KCNJ16: variants seen among roughly 807,000 people sequenced by gnomAD.
The protein encoded by KCNJ16 is potassium inwardly rectifying channel subfamily J member 16.
A neutral mutation model predicts 18.5 loss-of-function variants in KCNJ16; 15 were observed. That is an observed-to-expected ratio of 0.81 (90% CI 0.54 to 1.25). The LOEUF is 1.25. Among genes scored for constraint, KCNJ16 ranks in the 50% most tolerant of loss-of-function variants. The pLI, the probability that KCNJ16 is intolerant of heterozygous loss-of-function variation, is 0.00. For synonymous variants in KCNJ16, 174 were observed against 186.5 expected (o/e 0.93, Z 0.55); for missense variants, 523 against 525.7 (o/e 0.99, Z 0.05).
intron 1 of KCNJ16, among the ~76,000 whole-genome samples, chr17:70,085,238 A>T (rs191105414): frequency 9.8e-5 from 15 of 152,374 alleles, no homozygotes; most frequent in Admixed American, 5.9e-4. Flanking sequence ...CATGTGTCAG[A>T]CATTACATTT....
intron 2 of KCNJ16, among the ~76,000 whole-genome samples, chr17:70,117,552 G>A (rs1368509304): frequency 6.6e-6 from 1 of 152,142 alleles, no homozygotes; most frequent in African/African-American, 2.4e-5. Flanking sequence ...TGTGTTTTCT[G>A]TTTATAAGCT....
intron 2 of KCNJ16, among the ~76,000 whole-genome samples, chr17:70,125,578 G>A (rs1023225534): frequency 6.6e-6 from 1 of 152,126 alleles, no homozygotes; most frequent in Non-Finnish European, 1.5e-5. Flanking sequence ...CTTGGATCTT[G>A]CGCAAGAAAG....
At chr17:70,125,254 A>T (rs1385584302) in intron 2 of KCNJ16, among the ~76,000 whole-genome samples, 1 of 151,192 alleles carries the variant, frequency 6.6e-6, no homozygotes, top group African/African-American at 2.5e-5. Context: ...TAGGTGACAG[A>T]GCAAGATCCT....
At chr17:70,130,825 T>A in intron 2 of KCNJ16, 54 bp from the exon 3 acceptor site, 1 of 762,592 alleles carries the variant, frequency 1.3e-6, no homozygotes, top group Non-Finnish European at 2.2e-6. Context: ...TTCTAATAGT[T>A]ACTAAGCTGT....
intron 2 of KCNJ16, chr17:70,128,612 TG>T (rs2073942564): frequency 6.6e-6 from 1 of 152,270 alleles, no homozygotes; most frequent in Admixed American, 6.5e-5. Flanking sequence ...TTACTACCTT[TG>T]TCATTATTAT....
chr17:70,106,758 C>T (rs368780935), intron 2 of KCNJ16, among the ~76,000 whole-genome samples: 1 of 152,254 alleles, frequency 6.6e-6, no homozygotes, highest in East Asian at 1.9e-4. Flanking sequence ...CCAATCTCTG[C>T]AGGTCAGCCA....
At chr17:70,083,332 G>C (rs1011805693) in intron 1 of KCNJ16, among the ~76,000 whole-genome samples, 2 of 141,732 alleles carry the variant, frequency 1.4e-5, no homozygotes, top group East Asian at 4.1e-4. Flanking sequence ...TATATAGACA[G>C]TTATGATCAA....
At position 70,102,416 on chromosome 17, in the gene KCNJ16, C is replaced by CGGGGTTTCACCATATTG. The variant is rs564411688; in HGVS notation, c.-191+1652_-191+1668dup. Reference sequence around the variant, plus strand: ...CTAATTTTTGTATCTTTAGTAGAGACGGGGTTTCACCATATTGGCCAGGCT... The same window carrying CGGGGTTTCACCATATTG: ...CTAATTTTTGTATCTTTAGTAGAGACGGGGTTTCACCATATTGGGGGTTTCACCATATTGGCCAGGCT... On this transcript the variant is annotated intron_variant, in intron 2 of 3. Transcript: ENST00000392671. Among the ~76,000 whole-genome samples the CGGGGTTTCACCATATTG allele has an allele frequency of 6.6e-3, 996 of 151,526 alleles. 6 individuals carry two copies. The highest frequency in any genetic ancestry group is 0.022 in the African/African-American group (906 of 41,304).
rs567688888 is a variant in KCNJ16, at chr17:70,131,599, T to C, written c.-93-396T>C. On this transcript the variant is annotated intron_variant, in intron 3 of 3. Transcript: ENST00000392671. ...CTGATTTAAACAGTTAGGAAGCTTA[T>C]GACTGCTAGACACATATCTGAATTG... The C allele has an allele frequency of 6.9e-5, 30 of 437,306 alleles. 1 individual carries two copies. The South Asian group carries it at 2.4e-3, about 35-fold the overall frequency. 27.1% of individuals were successfully genotyped at this position (437,306 alleles called of 1,614,324 possible).
chr17:70,078,293 T>A (rs1567773924), intron 1 of KCNJ16, among the ~76,000 whole-genome samples: 1 of 152,154 alleles, frequency 6.6e-6, no homozygotes, highest in Non-Finnish European at 1.5e-5. Flanking sequence ...AAGAAAATTT[T>A]AAAAAGTCAA....
chr17:70,112,182 AG>A (rs1384179334), intron 2 of KCNJ16, among the ~76,000 whole-genome samples: 3 of 152,158 alleles, frequency 2.0e-5, no homozygotes, highest in Admixed American at 6.5e-5. Flanking sequence ...GTTGATGGGC[AG>A]GGCCTTGCAC....
chr17:70,123,137 AT>A (rs1425849533), intron 2 of KCNJ16, among the ~76,000 whole-genome samples: 1 of 152,178 alleles, frequency 6.6e-6, no homozygotes, highest in Non-Finnish European at 1.5e-5. Flanking sequence ...TGGGAGAAAT[AT>A]CCAAATCTTT....
intron 2 of KCNJ16, among the ~76,000 whole-genome samples, chr17:70,102,669 C>A (rs1204332655): frequency 6.6e-6 from 1 of 152,114 alleles, no homozygotes. Context: ...CCCACTTGGA[C>A]CTCCACATCC....
chr17:70,107,988 G>A (rs545589979), intron 2 of KCNJ16, among the ~76,000 whole-genome samples: 4 of 152,202 alleles, frequency 2.6e-5, no homozygotes, highest in Admixed American at 2.0e-4. Flanking sequence ...CTGTTGTAAG[G>A]TACTAACAAT....
At chr17:70,087,955 G>T (rs1249509445) in intron 1 of KCNJ16, among the ~76,000 whole-genome samples, 2 of 141,348 alleles carry the variant, frequency 1.4e-5, no homozygotes, top group African/African-American at 5.3e-5. Context: ...GGTGGAGTTT[G>T]CAGTGAAGCC....
At chr17:70,103,483 G>A (rs935370888) in intron 2 of KCNJ16, among the ~76,000 whole-genome samples, 8 of 151,542 alleles carry the variant, frequency 5.3e-5, no homozygotes, top group Non-Finnish European at 8.8e-5. Context: ...CCTTTTGCTT[G>A]TAACACTTTC....
chr17:70,078,890 G>A (rs757171478), intron 1 of KCNJ16, among the ~76,000 whole-genome samples: 10 of 152,138 alleles, frequency 6.6e-5, no homozygotes, highest in Non-Finnish European at 1.0e-4. Context: ...TGTGCTTGTG[G>A]AATTCAGAAC....
At chr17:70,115,630 GA>G (rs2073370976) in intron 2 of KCNJ16, among the ~76,000 whole-genome samples, 1 of 152,056 alleles carries the variant, frequency 6.6e-6, no homozygotes, top group Non-Finnish European at 1.5e-5. Context: ...GAGACAAAAG[GA>G]GGCACCAAAA....
At chr17:70,127,672 C>T (rs1392025557) in intron 2 of KCNJ16, among the ~76,000 whole-genome samples, 1 of 152,144 alleles carries the variant, frequency 6.6e-6, no homozygotes, top group Non-Finnish European at 1.5e-5. Context: ...AGCCTGTCTT[C>T]AAAGGCAATG....
Sources: gnomAD v4.1 joint callset for allele counts (sites outside exome capture counted in the v4.1 genomes callset) on GRCh38, gnomAD v4.1.1 for gene constraint, MANE v1.5 for transcripts, NCBI Gene and HGNC (gene_info 2026-07-23, HGNC 2026-07-21) for gene names.